Variants in SYCP1 observed in about 807,000 individuals in gnomAD.
The protein encoded by SYCP1 is synaptonemal complex protein 1.
In SYCP1, 64 loss-of-function variants were observed where a neutral mutation model predicts 153.1. That is an observed-to-expected ratio of 0.42 (90% CI 0.34 to 0.51). The LOEUF (loss-of-function observed/expected upper bound fraction) is 0.51, where lower values mean the gene tolerates loss of function less well. SYCP1 is among the 20% of genes least tolerant of loss of function. SYCP1 has a pLI of 0.06. For synonymous variants in SYCP1, 384 were observed against 341.8 expected, an observed-to-expected ratio of 1.12 and a Z score of -1.36; for missense variants, 997 against 1,049.0, an observed-to-expected ratio of 0.95 and a Z score of 0.68.
chr1:114,894,271 G>A (rs1403375884), intron 15 of SYCP1, among the ~76,000 whole-genome samples: 1 of 152,084 alleles, frequency 6.6e-6, no homozygotes, highest in Non-Finnish European at 1.5e-5. Context: ...TTTAAAGACT[G>A]TGGACAATTA....
intron 16 of SYCP1, among the ~76,000 whole-genome samples, chr1:114,904,373 C>T (rs1667684694): frequency 6.6e-6 from 1 of 152,104 alleles, no homozygotes; most frequent in African/African-American, 2.4e-5. Flanking sequence ...ACCTCGGCCT[C>T]CCAAAGTGCT....
chr1:114,989,894 C>T (rs1166147928), intron 30 of SYCP1, among the ~76,000 whole-genome samples: 1 of 151,854 alleles, frequency 6.6e-6, no homozygotes, highest in Non-Finnish European at 1.5e-5. Flanking sequence ...ACAGACAGTT[C>T]TAAAATAATT....
intron 27 of SYCP1, 38 bp downstream of exon 27, chr1:114,947,358 GT>G (rs1262916729): frequency 6.9e-7 from 1 of 1,446,164 alleles, no homozygotes; most frequent in Admixed American, 2.0e-5. Context: ...TGATTACAAG[GT>G]TTAGGGGCAA....
intron 20 of SYCP1, 83 bp downstream of exon 20, chr1:114,914,128 A>T (rs1668360870): frequency 9.8e-7 from 1 of 1,024,324 alleles, no homozygotes; most frequent in African/African-American, 1.7e-5. Context: ...ATTAATTTAA[A>T]TTGGACTGCT....
rs1669848108 is a variant in SYCP1, at chr1:114,934,428, A to G, written c.1926+7865A>G. Among the ~76,000 whole-genome samples, 3 of 152,222 alleles carry G rather than the reference A, an allele frequency of 2.0e-5. No individual in the cohort carries two copies. In the South Asian group the frequency reaches 6.2e-4, roughly 31 times the overall value. On this transcript the variant is annotated intron_variant, in intron 23 of 31. Coordinates refer to ENST00000369522, the MANE Select transcript of SYCP1 (RefSeq NM_003176.4). ...AAGGAAGCACTAAACATGGAAAAGA[A>G]CAACCGGTACCAGCCACTGCAAAAA...
At chr1:114,962,612 A>G (rs1671850628) in intron 27 of SYCP1, among the ~76,000 whole-genome samples, 2 of 152,024 alleles carry the variant, frequency 1.3e-5, no homozygotes, top group African/African-American at 2.4e-5. Context: ...GTGAATTCTT[A>G]TATATTCTGC....
chr1:114,945,025 C>A, intron 25 of SYCP1, 43 bp downstream of exon 25: 3 of 1,339,830 alleles, frequency 2.2e-6, no homozygotes, highest in Non-Finnish European at 3.1e-6. Flanking sequence ...TTAATTGGAG[C>A]CATATTTCTG....
chr1:114,968,427 T>C (rs1672276960), intron 27 of SYCP1, among the ~76,000 whole-genome samples: 2 of 152,248 alleles, frequency 1.3e-5, no homozygotes, highest in African/African-American at 4.8e-5. Context: ...TTCATTAAGT[T>C]GATCTTCAGT....
At chr1:114,950,310 T>C (rs1671012820) in intron 27 of SYCP1, among the ~76,000 whole-genome samples, 1 of 152,228 alleles carries the variant, frequency 6.6e-6, no homozygotes, top group South Asian at 2.1e-4. Flanking sequence ...TGTAATGTGG[T>C]TGAGAAATAA....
At chr1:114,936,879 C>T (rs940892853) in intron 23 of SYCP1, among the ~76,000 whole-genome samples, 1 of 152,112 alleles carries the variant, frequency 6.6e-6, no homozygotes, top group Non-Finnish European at 1.5e-5. Context: ...CAAACCACTG[C>T]TCAACAAAAT....
At chr1:114,968,801 C>T (rs1242168319) in intron 27 of SYCP1, among the ~76,000 whole-genome samples, 1 of 152,200 alleles carries the variant, frequency 6.6e-6, no homozygotes, top group African/African-American at 2.4e-5. Flanking sequence ...GGTTTTTCCT[C>T]ATCTTCATGG....
rs113050357 is a variant in SYCP1 at position 114,863,551 on chromosome 1, C to CA, written c.598+2753dup. The stretch of plus-strand genomic sequence containing the variant: ...CTGGCAACAGAGCAAGAGCCCGTCT[C>CA]AAAAAAAAAAAGTTCCTATTTCTCC... On this transcript the variant is annotated intron_variant, in intron 8 of 31. Coordinates refer to ENST00000369522, the MANE Select transcript of SYCP1 (RefSeq NM_003176.4). 5.8e-3 allele frequency among the ~76,000 whole-genome samples: 841 copies of CA among 145,118 alleles called. 9 individuals are homozygous for CA. The highest frequency in any genetic ancestry group is 0.018 in the African/African-American group (727 of 39,842).
At chr1:114,980,316 A>G (rs1673067744) in intron 28 of SYCP1, among the ~76,000 whole-genome samples, 1 of 151,926 alleles carries the variant, frequency 6.6e-6, no homozygotes. Flanking sequence ...AGCAACTATT[A>G]CTAGCTTTTA....
chr1:114,960,438 G>T (rs1192203156), intron 27 of SYCP1, among the ~76,000 whole-genome samples: 3 of 152,166 alleles, frequency 2.0e-5, no homozygotes, highest in African/African-American at 7.2e-5. Context: ...TAAGTGCTGG[G>T]ATTACGGGCG....
chr1:114,885,111 C>T (rs1666203654), intron 12 of SYCP1, among the ~76,000 whole-genome samples: 1 of 151,946 alleles, frequency 6.6e-6, no homozygotes, highest in South Asian at 2.1e-4. Flanking sequence ...TGTATCTTTT[C>T]CTTTTGCATG....
Position 114,854,932 on chromosome 1 carries a change from C to T in SYCP1, c.-111C>T, listed in dbSNP as rs1216894580. On this transcript the variant is annotated 5_prime_UTR_variant, in exon 1 of 32. Coordinates refer to ENST00000369522, the MANE Select transcript of SYCP1 (RefSeq NM_003176.4). Reference sequence around the variant, plus strand: ...CTTTTCTGAGGTTCTGAGGCGGGAGCCATTGGTTCTTTCTGTTGCCCTCAT... The same window carrying T: ...CTTTTCTGAGGTTCTGAGGCGGGAGTCATTGGTTCTTTCTGTTGCCCTCAT... The T allele has an allele frequency of 3.3e-5, 5 of 152,118 alleles. No individual in the cohort carries two copies. The highest frequency in any genetic ancestry group is 1.2e-4 in the African/African-American group (5 of 41,418). 9.4% of individuals were successfully genotyped at this position (152,118 alleles called of 1,614,324 possible).
At chr1:114,940,864 G>A (rs1236208979) in intron 23 of SYCP1, among the ~76,000 whole-genome samples, 1 of 151,940 alleles carries the variant, frequency 6.6e-6, no homozygotes, top group Non-Finnish European at 1.5e-5. Context: ...GTAGTTGACT[G>A]AGATAGATGT....
intron 16 of SYCP1, among the ~76,000 whole-genome samples, chr1:114,907,904 G>A (rs1667920844): frequency 6.6e-6 from 1 of 152,026 alleles, no homozygotes; most frequent in African/African-American, 2.4e-5. Flanking sequence ...ACACCTACAT[G>A]CATTTACATC....
At chr1:114,947,904 A>T (rs1353746186) in intron 27 of SYCP1, among the ~76,000 whole-genome samples, 2 of 145,608 alleles carry the variant, frequency 1.4e-5, no homozygotes, top group Non-Finnish European at 3.0e-5. Context: ...TCCTTCTAGC[A>T]TGTTTCCTTT....
Sources: allele counts gnomAD v4.1 joint callset (sites outside exome capture counted in the v4.1 genomes callset), GRCh38; gene constraint gnomAD v4.1.1; transcripts MANE v1.5; gene names NCBI Gene and HGNC (gene_info 2026-07-23, HGNC 2026-07-21).